The following TFDP2 variants were observed in gnomAD, a reference collection of about 807,000 sequenced individuals.
The protein encoded by TFDP2 is transcription factor Dp-2 (E2F dimerization partner 2).
In TFDP2, 17 loss-of-function variants were observed where a neutral mutation model predicts 59.3. That is an observed-to-expected ratio of 0.29 (90% CI 0.20 to 0.43). TFDP2 has a LOEUF of 0.43. Among genes scored for constraint, TFDP2 ranks in the 20% least tolerant of loss-of-function variants. The pLI is 1.00. For synonymous variants in TFDP2, 180 were observed against 194.7 expected (o/e 0.92, Z 0.63); for missense variants, 391 against 528.8 (o/e 0.74, Z 2.56).
chr3:141,979,960 G>C (rs888666424), intron 6 of TFDP2, among the ~76,000 whole-genome samples: 3 of 151,384 alleles, frequency 2.0e-5, no homozygotes, highest in South Asian at 2.1e-4. Flanking sequence ...CCGGGCTAGA[G>C]TGCAGTGGTG....
intron 2 of TFDP2, among the ~76,000 whole-genome samples, chr3:142,100,270 A>G (rs2061279851): frequency 6.6e-6 from 1 of 152,216 alleles, no homozygotes; most frequent in African/African-American, 2.4e-5. Context: ...TCCTGGTCAC[A>G]ACTAACTAAA....
At chr3:142,067,460 A>C (rs2060109772) in intron 3 of TFDP2, among the ~76,000 whole-genome samples, 1 of 151,990 alleles carries the variant, frequency 6.6e-6, no homozygotes, top group South Asian at 2.1e-4. Context: ...AACTCTGATA[A>C]AAGAAATCAA....
At chr3:141,955,695 T>C (rs999753130) in intron 11 of TFDP2, among the ~76,000 whole-genome samples, 2 of 152,250 alleles carry the variant, frequency 1.3e-5, no homozygotes, top group South Asian at 4.1e-4. Flanking sequence ...TTGGATTTAA[T>C]GTATCTTAGA....
At chr3:142,000,471 A>G in intron 4 of TFDP2, 1 of 515,182 alleles carries the variant, frequency 1.9e-6, no homozygotes, top group Non-Finnish European at 3.5e-6. Flanking sequence ...CCCGCCTCTT[A>G]ATACCACCAC....
intron 3 of TFDP2, among the ~76,000 whole-genome samples, chr3:142,086,404 G>A (rs1262424637): frequency 6.6e-6 from 1 of 152,162 alleles, no homozygotes; most frequent in Non-Finnish European, 1.5e-5. Flanking sequence ...CTCTGCTTCT[G>A]ACCAACCAGC....
At chr3:142,034,942 G>A (rs906998280) in intron 3 of TFDP2, among the ~76,000 whole-genome samples, 3 of 151,944 alleles carry the variant, frequency 2.0e-5, no homozygotes, top group South Asian at 2.1e-4. Context: ...TCCTGACCTC[G>A]TGATCCGCCT....
intron 3 of TFDP2, among the ~76,000 whole-genome samples, chr3:142,040,163 A>G (rs1946891323): frequency 6.6e-6 from 1 of 152,148 alleles, no homozygotes; most frequent in African/African-American, 2.4e-5. Flanking sequence ...CCAAGAGATA[A>G]AGCTATCAAC....
chr3:141,961,057 G>A (rs1435024819), intron 10 of TFDP2, among the ~76,000 whole-genome samples: 1 of 152,090 alleles, frequency 6.6e-6, no homozygotes, highest in Non-Finnish European at 1.5e-5. Flanking sequence ...CAATACCCTA[G>A]GCCAATGATT....
At chr3:142,046,483 T>C (rs1947349976) in intron 3 of TFDP2, among the ~76,000 whole-genome samples, 1 of 152,118 alleles carries the variant, frequency 6.6e-6, no homozygotes, top group Non-Finnish European at 1.5e-5. Context: ...TGCCACTGCC[T>C]TTACAGAGCT....
At chr3:142,012,590 G>C (rs1944807212) in intron 3 of TFDP2, among the ~76,000 whole-genome samples, 1 of 152,062 alleles carries the variant, frequency 6.6e-6, no homozygotes, top group Admixed American at 6.6e-5. Flanking sequence ...ATATTATATA[G>C]TCCCTAAAAA....
chr3:142,090,838 GGT>G (rs1421634698), intron 3 of TFDP2: 4 of 152,270 alleles, frequency 2.6e-5, no homozygotes, highest in Admixed American at 2.6e-4. Context: ...TGGGATTACA[GGT>G]GTGAGCGACC....
intron 1 of TFDP2, among the ~76,000 whole-genome samples, chr3:142,125,361 C>T (rs1476146440): frequency 6.6e-6 from 1 of 152,106 alleles, no homozygotes; most frequent in Non-Finnish European, 1.5e-5. Context: ...ACAGAGTTTG[C>T]CTTACGTTAG....
intron 9 of TFDP2, 151 bp from the exon 10 acceptor site, chr3:141,964,114 T>C (rs1937606436): frequency 1.4e-6 from 1 of 694,970 alleles, no homozygotes; most frequent in African/African-American, 1.8e-5. Context: ...AAATTAAACA[T>C]TTAAGAAAGA....
chr3:142,042,625 CTTT>C (rs1489217440), intron 3 of TFDP2, among the ~76,000 whole-genome samples: 1 of 70,606 alleles, frequency 1.4e-5, no homozygotes, highest in African/African-American at 6.3e-5. Flanking sequence ...CTTTTCTTTT[CTTT>C]TCTTTTTTTT....
intron 3 of TFDP2, among the ~76,000 whole-genome samples, chr3:142,050,453 T>C (rs975012572): frequency 6.6e-6 from 1 of 152,058 alleles, no homozygotes; most frequent in African/African-American, 2.4e-5. Context: ...CCCAGCACTT[T>C]AGGAGGCCGA....
intron 1 of TFDP2, among the ~76,000 whole-genome samples, chr3:142,139,320 A>G (rs756262685): frequency 2.6e-5 from 4 of 151,896 alleles, no homozygotes; most frequent in Non-Finnish European, 2.9e-5. Flanking sequence ...TCTTTATCCA[A>G]TTTGCCAGTC....
chr3:142,024,286 T>C (rs184456620), intron 3 of TFDP2, among the ~76,000 whole-genome samples: 6 of 152,208 alleles, frequency 3.9e-5, no homozygotes, highest in Admixed American at 6.5e-5. Context: ...AGAGTTACCA[T>C]GTAAAAATTC....
chr3:141,962,511 A>G (rs1300630214), intron 10 of TFDP2, among the ~76,000 whole-genome samples: 1 of 151,898 alleles, frequency 6.6e-6, no homozygotes, highest in African/African-American at 2.4e-5. Context: ...GGCGTGCGCC[A>G]CCAAGCCTGG....
intron 3 of TFDP2, among the ~76,000 whole-genome samples, chr3:142,035,313 C>A (rs75201395): frequency 0.057 from 8,644 of 152,242 alleles, 304 homozygotes; most frequent in Middle Eastern, 0.11. Flanking sequence ...CATACAAAAA[C>A]CTACTTTGAA....
Sources: gnomAD v4.1 joint callset for allele counts (sites outside exome capture counted in the v4.1 genomes callset) on GRCh38, gnomAD v4.1.1 for gene constraint, MANE v1.5 for transcripts, NCBI Gene and HGNC (gene_info 2026-07-23, HGNC 2026-07-21) for gene names.